VCP: variants seen among roughly 807,000 people sequenced by gnomAD.
VCP encodes the protein valosin containing protein, also known as transitional endoplasmic reticulum ATPase.
In VCP, 6 loss-of-function variants were observed where a neutral mutation model predicts 85.7. The ratio of observed to expected loss-of-function variants is 0.07; its 90% CI spans 0.04 to 0.14. VCP has a LOEUF of 0.14. VCP is among the 10% of genes least tolerant of loss of function. The pLI is 1.00. For synonymous variants in VCP, 384 were observed against 367.1 expected (o/e 1.05, Z -0.53); for missense variants, 353 against 1,043.4 (o/e 0.34, Z 9.12).
At chr9:35,066,150 A>T (rs562538168) in intron 4 of VCP, among the ~76,000 whole-genome samples, 1 of 151,258 alleles carries the variant, frequency 6.6e-6, no homozygotes, top group South Asian at 2.1e-4. Flanking sequence ...AGAAAATGAG[A>T]CTAGGCTTGA....
chr9:35,067,562 G>A (rs1828857556), intron 3 of VCP, among the ~76,000 whole-genome samples: 1 of 152,040 alleles, frequency 6.6e-6, no homozygotes, highest in Non-Finnish European at 1.5e-5. Context: ...GAGATTATTT[G>A]GCATATACAT....
Position 35,065,317 on chromosome 9 carries a change from A to C in VCP, c.510T>G (p.Pro170=), listed in dbSNP as rs1437631016. 3 of 1,614,244 alleles carry C rather than the reference A, an allele frequency of 1.9e-6. No homozygotes were observed. Among genetic ancestry groups the C allele is most frequent in the Non-Finnish European group, 8.5e-7 (1 of 1,180,048 alleles). Residue 170 remains proline, a synonymous_variant, in exon 5 of 17, where the codon CCT becomes CCG. Coordinates refer to ENST00000358901, the MANE Select transcript of VCP (RefSeq NM_007126.5). The stretch of plus-strand genomic sequence containing the variant: ...CTGGAGCAACAATGCAATAAGGGCT[A>C]GGATCTGTTTCCACCACTTTGAACT... ...AVEFKVVETD[P]SPYCIVAPDT...
rs982146057 is a variant in VCP, at chr9:35,056,675, C to T, written c.*442G>A. On this transcript the variant is annotated 3_prime_UTR_variant, in exon 17 of 17. Coordinates refer to ENST00000358901, the MANE Select transcript of VCP (RefSeq NM_007126.5). ...TCAAAAGCATGTAAAATAAATCAAC[C>T]TACTCTCTATATAAACATCCAGCAA... The T allele has an allele frequency of 4.7e-6, 1 of 212,286 alleles. No individual in the cohort carries two copies. Among genetic ancestry groups the T allele is most frequent in the Non-Finnish European group, 9.7e-6 (1 of 102,846 alleles). 13.2% of individuals were successfully genotyped at this position (212,286 alleles called of 1,614,324 possible). A position where few individuals can be genotyped will look rare whatever the true frequency, so the allele number is the denominator to read the frequency against.
chr9:35,064,310 G>C (rs571568392), intron 5 of VCP, 25 bp from the exon 6 acceptor site: 4 of 1,613,248 alleles, frequency 2.5e-6, no homozygotes, highest in African/African-American at 1.3e-5. Flanking sequence ...GATAAAGAAA[G>C]GAGAAGGCAA....
In VCP at chr9:35,059,517, G is replaced by A. The variant is rs979830242; in HGVS notation, c.1980C>T (p.Asn660=). ...EKSRVAILKA[N]LRKSPVAKDV... ...CCTTGGCAACTGGGGACTTGCGCAG[G>A]TTAGCCTTGAGGATGGCAACACGGG... Residue 660 remains asparagine (N), a synonymous_variant, in exon 14 of 17, where the codon AAC becomes AAT. Transcript: ENST00000358901. The surrounding 1 kb of genome is among the most constrained non-coding windows in gnomAD (Gnocchi z 4.9). The A allele has an allele frequency of 6.2e-7, 1 of 1,614,098 alleles. No homozygotes were observed. Among genetic ancestry groups the A allele is most frequent in the Non-Finnish European group, 8.5e-7 (1 of 1,180,030 alleles).
At chr9:35,063,156 G>C (rs1828760766) in intron 6 of VCP, 76 bp from the exon 7 acceptor site, 1 of 1,331,600 alleles carries the variant, frequency 7.5e-7, no homozygotes, top group African/African-American at 1.4e-5. Context: ...GCGCTCCAGA[G>C]AGGGTGAGAA....
intron 10 of VCP, 47 bp downstream of exon 10, chr9:35,061,530 T>A (rs1386984387): frequency 6.4e-7 from 1 of 1,561,364 alleles, no homozygotes. Context: ...TCCCAGCAAC[T>A]GCCTAGAGAC....
chr9:35,058,958 G>A lies in VCP; in HGVS notation c.2160+106C>T, dbSNP rs954970840. The A allele has an allele frequency of 1.1e-5, 17 of 1,496,312 alleles. No homozygotes were observed. The African/African-American group carries it at 2.2e-4, about 19-fold the overall frequency. The allele number at this position is 1,496,312 out of a possible 1,614,324, so 92.7% of individuals were successfully genotyped here. ...TGATGCCCTATTAAAATTCTTCTCAGTTAGATGATCTTTCCAACAGCTTCT... is the reference window on the plus strand; with the variant it reads ...TGATGCCCTATTAAAATTCTTCTCAATTAGATGATCTTTCCAACAGCTTCT... On this transcript the variant is annotated intron_variant, in intron 15 of 16. Transcript: ENST00000358901.
intron 1 of VCP, 60 bp downstream of exon 1, chr9:35,072,277 C>T (rs987700322): frequency 2.0e-6 from 3 of 1,485,736 alleles, no homozygotes; most frequent in African/African-American, 2.9e-5. Flanking sequence ...CCGGGCCTAC[C>T]CTGCGCGGCT....
At position 35,059,455 on chromosome 9, in the gene VCP, T is replaced by TACCAGC; in HGVS notation, c.2004+37_2004+38insGCTGGT. On this transcript the variant is annotated intron_variant, in intron 14 of 16. Coordinates refer to ENST00000358901, the MANE Select transcript of VCP (RefSeq NM_007126.5). This position sits in a 1 kb window ranked among gnomAD's most constrained non-coding sequence, Gnocchi z 4.9. ...GAGCACTCCGTACCAGCCTGAGGAC[T>TACCAGC]CATGCAAGTCTCCCACAGCCCATGA... 2 of 1,611,546 alleles carry TACCAGC rather than the reference T, an allele frequency of 1.2e-6. No homozygotes were observed. The highest frequency in any genetic ancestry group is 1.7e-6 in the Non-Finnish European group (2 of 1,179,066).
chr9:35,068,471 C>T (rs965416749), intron 1 of VCP, 109 bp from the exon 2 acceptor site: 2 of 1,027,104 alleles, frequency 1.9e-6, no homozygotes, highest in Admixed American at 3.5e-5. Flanking sequence ...TGTCCCTAGA[C>T]CAGAAAGCTC....
intron 5 of VCP, among the ~76,000 whole-genome samples, chr9:35,064,847 G>C (rs887055043): frequency 2.6e-5 from 4 of 152,162 alleles, no homozygotes; most frequent in African/African-American, 9.7e-5. Flanking sequence ...CCTGAAAGAT[G>C]GTTAGTTCTC....
intron 15 of VCP, among the ~76,000 whole-genome samples, chr9:35,058,019 T>C (rs941015638): frequency 7.2e-5 from 11 of 152,220 alleles, no homozygotes; most frequent in African/African-American, 2.2e-4. Context: ...TCCAGTGACA[T>C]ATATACTCTT....
chr9:35,072,306 C>G, intron 1 of VCP, 31 bp downstream of exon 1: 2 of 1,483,048 alleles, frequency 1.3e-6, no homozygotes, highest in Non-Finnish European at 1.8e-6. Context: ...TGCGCGCCGC[C>G]GCAGCAAGCG....
chr9:35,064,077 G>A (rs1298384271), intron 6 of VCP, 77 bp downstream of exon 6: 11 of 1,607,920 alleles, frequency 6.8e-6, no homozygotes, highest in Non-Finnish European at 9.3e-6. Context: ...CATGAAAACA[G>A]TCCCAGGATT....
Position 35,059,969 on chromosome 9 carries a change from C to CA in VCP, c.1696-169dup. The CA allele has an allele frequency of 1.2e-6, 1 of 861,250 alleles. No homozygotes were observed. Among genetic ancestry groups the CA allele is most frequent in the Non-Finnish European group, 1.8e-6 (1 of 564,644 alleles). The allele number at this position is 861,250 out of a possible 1,614,324, so 53.4% of individuals were successfully genotyped here. ...GCAACATACTGAGACTTTGTCTCTA[C>CA]AAAAAATAAAAAATTAGCCAGATGT... On this transcript the variant is annotated intron_variant, in intron 13 of 16. Coordinates refer to ENST00000358901, the MANE Select transcript of VCP (RefSeq NM_007126.5). This position sits in a 1 kb window ranked among gnomAD's most constrained non-coding sequence, Gnocchi z 4.9.
intron 8 of VCP, 27 bp downstream of exon 8, chr9:35,062,190 C>A (rs747998047): frequency 1.9e-6 from 3 of 1,614,146 alleles, no homozygotes; most frequent in African/African-American, 1.3e-5. Context: ...TTTCAACCCC[C>A]CTCTATCCCC....
At chr9:35,060,965 A>T (rs1828710357) in intron 11 of VCP, 42 bp from the exon 12 acceptor site, 2 of 1,614,182 alleles carry the variant, frequency 1.2e-6, no homozygotes, top group Non-Finnish European at 8.5e-7. Context: ...TTATCAAGGG[A>T]GGGGTCAAAG....
Position 35,066,121 on chromosome 9 carries a change from G to A in VCP, c.445+554C>T, listed in dbSNP as rs577843887. On this transcript the variant is annotated intron_variant, in intron 4 of 16. Transcript: ENST00000358901. ...AGCCTGGGGGACAGCGCGACACTCT[G>A]TCTCAAAAAAAAAAGAAAAGAAAAT... 4.6e-5 allele frequency among the ~76,000 whole-genome samples: 7 copies of A among 150,678 alleles called. No homozygotes were observed. The South Asian group carries it at 1.5e-3, about 32-fold the overall frequency.
Sources: gnomAD v4.1 joint callset for allele counts (sites outside exome capture counted in the v4.1 genomes callset) on GRCh38, gnomAD v4.1.1 for gene constraint, Gnocchi (gnomAD v3.1) non-coding constraint, MANE v1.5 for transcripts, NCBI Gene and HGNC (gene_info 2026-07-23, HGNC 2026-07-21) for gene names.